P2RX3: variants seen among roughly 807,000 people sequenced by gnomAD.
P2RX3 encodes P2X purinoceptor 3.
A neutral mutation model predicts 51.5 loss-of-function variants in P2RX3; 41 were observed. The ratio of observed to expected loss-of-function variants is 0.80; its 90% confidence interval spans 0.62 to 1.03. The LOEUF (loss-of-function observed/expected upper bound fraction) is 1.03, where lower values mean the gene tolerates loss of function less well. Among genes scored for constraint, P2RX3 ranks in the 50% least tolerant of loss-of-function variants. The probability of loss-of-function intolerance (pLI) is 0.00; values close to 1 mark genes in which losing one functional copy is unlikely to be tolerated. For missense variants in P2RX3, 459 were observed against 522.1 expected (o/e 0.88, Z 1.18); for synonymous variants, 185 against 191.6 (o/e 0.97, Z 0.29).
At position 57,369,953 on chromosome 11, in the gene P2RX3, G is replaced by T. The variant is rs752647301; in HGVS notation, c.1150G>T (p.Glu384Ter). 5.6e-6 allele frequency: 9 copies of T among 1,613,954 alleles called. No homozygotes were observed. The highest frequency in any genetic ancestry group is 1.1e-5 in the South Asian group (1 of 91,084). Residue 384 changes from glutamate to a stop codon, truncating the protein, a stop_gained, in exon 12 of 12, where the codon GAG (glutamate) becomes TAG (stop). Coordinates refer to ENST00000263314, the MANE Select transcript of P2RX3 (RefSeq NM_002559.5). LOFTEE classifies it high-confidence loss of function. ...GTACCCCAGCGACCAGACCACAGCG[G>T]AGAAGCAGTCCACCGATTCGGGGGC... ...PVYPSDQTTA[E>*]KQSTDSGAFS...
chr11:57,343,113 C>T (rs906434098), intron 1 of P2RX3, among the ~76,000 whole-genome samples: 20 of 152,364 alleles, frequency 1.3e-4, no homozygotes, highest in African/African-American at 4.6e-4. Context: ...GGAAATGAAG[C>T]ATCCCCTTCT....
intron 1 of P2RX3, among the ~76,000 whole-genome samples, chr11:57,339,157 A>C (rs1178441072): frequency 3.9e-5 from 6 of 152,124 alleles, no homozygotes; most frequent in African/African-American, 1.4e-4. Context: ...GCCGGGAGGG[A>C]AAGAGAGAAC....
At chr11:57,367,190 T>C (rs977390505) in intron 8 of P2RX3, among the ~76,000 whole-genome samples, 1 of 152,228 alleles carries the variant, frequency 6.6e-6, no homozygotes, top group Non-Finnish European at 1.5e-5. Flanking sequence ...GGCAGCCTTA[T>C]GAAGCAGGAC....
Position 57,347,104 on chromosome 11 carries a change from TC to T in P2RX3, c.256-11del, listed in dbSNP as rs766576674. 6.2e-7 allele frequency: 1 copy of T among 1,612,772 alleles called. No homozygotes were observed. On this transcript the variant is annotated splice_polypyrimidine_tract_variant and intron_variant, in intron 2 of 11. Coordinates refer to ENST00000263314, the MANE Select transcript of P2RX3 (RefSeq NM_002559.5). ...TGTTGGATGTTTTTCTCTCCCTTCT[TC>T]TCCTCCCAAGGGCACCTCGGTCTTT...
intron 7 of P2RX3, 109 bp downstream of exon 7, chr11:57,350,007 C>T: frequency 6.7e-7 from 1 of 1,487,350 alleles, no homozygotes. Context: ...CGAGACAGCG[C>T]CACCTGGTGG....
intron 11 of P2RX3, among the ~76,000 whole-genome samples, chr11:57,369,673 A>G (rs1037088818): frequency 2.0e-5 from 3 of 151,974 alleles, no homozygotes; most frequent in Non-Finnish European, 2.9e-5. Flanking sequence ...TCCCCTCTCC[A>G]TTTCTGGGGC....
chr11:57,349,791 A>T lies in P2RX3; in HGVS notation c.598A>T (p.Met200Leu). The change falls in exon 7 of 12, where the codon ATG (methionine) becomes TTG (leucine). Residue 200 changes from methionine to leucine, a missense_variant. Transcript: ENST00000263314. ...NLLPNLTARD[M>L]KTCRFHPDKD... The stretch of plus-strand genomic sequence containing the variant: ...CCTTCCCAACCTGACAGCCAGGGAC[A>T]TGAAGACCTGCCGCTTCCACCCGGA... 1 of 1,614,210 alleles carries T rather than the reference A, an allele frequency of 6.2e-7. No homozygotes were observed. The highest frequency in any genetic ancestry group is 8.5e-7 in the Non-Finnish European group (1 of 1,180,030).
intron 1 of P2RX3, among the ~76,000 whole-genome samples, chr11:57,342,485 TG>T: frequency 6.6e-6 from 1 of 152,170 alleles, no homozygotes; most frequent in South Asian, 2.1e-4. Context: ...CCAGTCATCC[TG>T]GTCCAGAGAG....
chr11:57,369,478 G>A (rs201285555), intron 11 of P2RX3, 40 bp downstream of exon 11: 1 of 1,580,022 alleles, frequency 6.3e-7, no homozygotes, highest in Non-Finnish European at 8.6e-7. Flanking sequence ...AAAGGGAGAG[G>A]GGGCAGGGCA....
intron 4 of P2RX3, 152 bp from the exon 5 acceptor site, chr11:57,348,018 G>A: frequency 1.5e-6 from 1 of 664,838 alleles, no homozygotes; most frequent in African/African-American, 1.8e-5. Context: ...GGGCTCAGGA[G>A]AAGCAGCAGG....
rs185300701 is a variant in P2RX3, at chr11:57,361,362, C to T, written c.843-6647C>T. ...GTTTGTTACGTAGGTAAACGTGTGC[C>T]GTGGTAGTTTGCCGCACAATAAACC... On this transcript the variant is annotated intron_variant, in intron 8 of 11. Transcript: ENST00000263314. Among the ~76,000 whole-genome samples, 424 of 152,124 alleles carry T rather than the reference C, an allele frequency of 2.8e-3. 2 individuals are homozygous for T. The highest frequency in any genetic ancestry group is 9.7e-3 in the African/African-American group (404 of 41,488).
intron 8 of P2RX3, among the ~76,000 whole-genome samples, chr11:57,352,849 C>T (rs1195679130): frequency 2.0e-5 from 3 of 152,138 alleles, no homozygotes; most frequent in African/African-American, 4.8e-5. Context: ...GAAACCACCC[C>T]CTCTTAGGAT....
Position 57,369,924 on chromosome 11 carries a change from C to T in P2RX3, c.1121C>T (p.Pro374Leu), listed in dbSNP as rs1856856883. 6.2e-7 allele frequency: 1 copy of T among 1,614,114 alleles called. No individual in the cohort carries two copies. Among genetic ancestry groups the T allele is most frequent in the South Asian group, 1.1e-5 (1 of 91,084 alleles). Reference protein sequence around the residue: ...TTLKIAALTNPVYPSDQTTAE... With the variant: ...TTLKIAALTNLVYPSDQTTAE... ...CTGAAAATCGCGGCTTTGACCAACCCAGTGTACCCCAGCGACCAGACCACA... is the reference window on the plus strand; with the variant it reads ...CTGAAAATCGCGGCTTTGACCAACCTAGTGTACCCCAGCGACCAGACCACA... Residue 374 changes from proline to leucine, a missense_variant, in exon 12 of 12, where the codon CCA (proline) becomes CTA (leucine). Pro to Leu is a moderately conservative substitution (Grantham distance 98). Transcript: ENST00000263314.
Position 57,360,109 on chromosome 11 carries a change from G to C in P2RX3, c.843-7900G>C, listed in dbSNP as rs111482169. On this transcript the variant is annotated intron_variant, in intron 8 of 11. Transcript: ENST00000263314. The stretch of plus-strand genomic sequence containing the variant: ...CCGCCAGCTAACTCATTCAGCTGTT[G>C]TGAGGCCTAAATGAAACAACAGGTG... Among the ~76,000 whole-genome samples the C allele has an allele frequency of 7.5e-3, 1,138 of 152,310 alleles. 19 individuals are homozygous for C. Among genetic ancestry groups the C allele is most frequent in the African/African-American group, 0.026 (1,063 of 41,556 alleles).
Position 57,349,743 on chromosome 11 carries a change from C to A in P2RX3, c.564-14C>A. 6.2e-7 allele frequency: 1 copy of A among 1,614,040 alleles called. No individual in the cohort carries two copies. The highest frequency in any genetic ancestry group is 8.5e-7 in the Non-Finnish European group (1 of 1,179,968). ...ATGAACCCTGGGCTGACCTCTCTCT[C>A]TGCTCCTCCCCAGGGGAAACCTCCT... On this transcript the variant is annotated splice_polypyrimidine_tract_variant and intron_variant, in intron 6 of 11. Transcript: ENST00000263314.
At position 57,347,224 on chromosome 11, in the gene P2RX3, G is replaced by T. The variant is rs377102545; in HGVS notation, c.327+37G>T. 1.4e-4 allele frequency: 227 copies of T among 1,605,326 alleles called. No individual in the cohort carries two copies. In the African/African-American group the frequency reaches 2.8e-3, roughly 20 times the overall value. On this transcript the variant is annotated intron_variant, in intron 3 of 11. Transcript: ENST00000263314. ...ACAGAGGTTGGGTGAAGCAGGTCAA[G>T]GCTGAAAATGTTGGTGGGAGTGGGA...
rs535544053 is a variant in P2RX3, at chr11:57,344,003, A to G, written c.120-2541A>G. 1.1e-4 allele frequency among the ~76,000 whole-genome samples: 17 copies of G among 152,224 alleles called. No homozygotes were observed. The South Asian group carries it at 3.1e-3, about 28-fold the overall frequency. On this transcript the variant is annotated intron_variant, in intron 1 of 11. Coordinates refer to ENST00000263314, the MANE Select transcript of P2RX3 (RefSeq NM_002559.5). Reference sequence around the variant, plus strand: ...CTACGTGAGGCATACTTCCTTGTGAAATCTGAATGAAACCCCTCCCCTTCC... The same window carrying G: ...CTACGTGAGGCATACTTCCTTGTGAGATCTGAATGAAACCCCTCCCCTTCC...
chr11:57,347,373 A>G (rs2134416082), intron 3 of P2RX3, 42 bp from the exon 4 acceptor site: 1 of 1,551,256 alleles, frequency 6.4e-7, no homozygotes, highest in Non-Finnish European at 8.7e-7. Flanking sequence ...TCACCAGGCC[A>G]GGACAGTGTC....
chr11:57,343,788 A>T (rs1254244426), intron 1 of P2RX3, among the ~76,000 whole-genome samples: 1 of 152,102 alleles, frequency 6.6e-6, no homozygotes, highest in Non-Finnish European at 1.5e-5. Flanking sequence ...GTGTGTTTAG[A>T]CCACAGTTTG....
Sources: allele counts gnomAD v4.1 joint callset (sites outside exome capture counted in the v4.1 genomes callset), GRCh38; gene constraint gnomAD v4.1.1; transcripts MANE v1.5; gene names NCBI Gene and HGNC (gene_info 2026-07-23, HGNC 2026-07-21).